CDK6: variants seen among roughly 807,000 people sequenced by gnomAD.
CDK6 encodes cyclin dependent kinase 6, also known as cyclin-dependent kinase 6.
A neutral mutation model predicts 37.1 loss-of-function variants in CDK6; 6 were observed. The observed-to-expected ratio is 0.16, with a 90% confidence interval of 0.09 to 0.32. The LOEUF is 0.32. Among genes scored for constraint, CDK6 ranks in the 10% least tolerant of loss-of-function variants. CDK6 has a pLI of 1.00. For synonymous variants in CDK6, 160 were observed against 161.3 expected, an observed-to-expected ratio of 0.99 and a Z score of 0.06; for missense variants, 224 against 418.9, an observed-to-expected ratio of 0.53 and a Z score of 4.06.
At chr7:92,774,899 A>C in intron 2 of CDK6, 68 bp from the exon 3 acceptor site, 1 of 1,454,882 alleles carries the variant, frequency 6.9e-7, no homozygotes, top group Non-Finnish European at 9.3e-7. Flanking sequence ...TGTTTTATAC[A>C]TATCGCTCAA....
intron 2 of CDK6, among the ~76,000 whole-genome samples, chr7:92,794,845 G>C (rs188509473): frequency 1.3e-5 from 2 of 152,196 alleles, no homozygotes; most frequent in East Asian, 1.9e-4. Context: ...TTAAGTGGGG[G>C]ATCAGGCTGA....
At chr7:92,818,309 A>C (rs1334764422) in intron 2 of CDK6, among the ~76,000 whole-genome samples, 1 of 152,018 alleles carries the variant, frequency 6.6e-6, no homozygotes, top group Non-Finnish European at 1.5e-5. Context: ...ATGCTCAACT[A>C]ATGTTTAGCA....
intron 2 of CDK6, among the ~76,000 whole-genome samples, chr7:92,826,361 CAAAG>C (rs1475803712): frequency 6.6e-6 from 1 of 152,038 alleles, no homozygotes; most frequent in Non-Finnish European, 1.5e-5. Context: ...TACCAGGACT[CAAAG>C]GAAGCAGAAA....
At chr7:92,716,070 T>G in intron 4 of CDK6, among the ~76,000 whole-genome samples, 1 of 152,198 alleles carries the variant, frequency 6.6e-6, no homozygotes, top group East Asian at 1.9e-4. Context: ...CAAGTTATTA[T>G]CAAGGAGTGA....
In CDK6 at chr7:92,608,397, G is replaced by T; in HGVS notation, c.*6743C>A. ...GAGAGAAAAGAAACTGGAAGCTAAA[G>T]AATTGAGAGCTTTTGCCAACTGAAG... is the stretch of plus-strand genomic sequence containing the variant. On this transcript the variant is annotated 3_prime_UTR_variant, in exon 8 of 8. Coordinates refer to ENST00000424848, the MANE Select transcript of CDK6 (RefSeq NM_001145306.2). 4.3e-6 allele frequency: 1 copy of T among 231,428 alleles called. No homozygotes were observed. The highest frequency in any genetic ancestry group is 6.2e-5 in the East Asian group (1 of 16,244). The allele number at this position is 231,428 out of a possible 1,614,324, so 14.3% of individuals were successfully genotyped here.
chr7:92,729,714 T>C (rs1798597180), intron 3 of CDK6, among the ~76,000 whole-genome samples: 1 of 152,196 alleles, frequency 6.6e-6, no homozygotes. Context: ...CAGGCTTTTC[T>C]AATGGGAAAA....
rs2116033279 is a variant in CDK6, at chr7:92,833,223, T to C, written c.101A>G (p.Lys34Arg). 6.2e-7 allele frequency: 1 copy of C among 1,610,836 alleles called. No homozygotes were observed. The highest frequency in any genetic ancestry group is 1.7e-4 in the Middle Eastern group (1 of 6,056). The change falls in exon 2 of 8, where the codon AAG (lysine) becomes AGG (arginine). Residue 34 changes from lysine (K) to arginine (R), a missense_variant. Around this residue, in one of 5 missense-constraint regions of CDK6, gnomAD observed 13 missense variants for 43.8 expected, o/e 0.30. Coordinates refer to ENST00000424848, the MANE Select transcript of CDK6 (RefSeq NM_001145306.2). This position sits in a 1 kb window ranked among gnomAD's most constrained non-coding sequence, Gnocchi z 6.1. ...CAACGCCACGAAACGGCCTCCGTTCTTCAAGTCGCGGGCCTTGAACACCTT... is the reference window on the plus strand; with the variant it reads ...CAACGCCACGAAACGGCCTCCGTTCCTCAAGTCGCGGGCCTTGAACACCTT... ...YGKVFKARDLKNGGRFVALKR... is the reference protein window; with the variant it reads ...YGKVFKARDLRNGGRFVALKR...
At chr7:92,676,332 A>T (rs1441588615) in intron 4 of CDK6, among the ~76,000 whole-genome samples, 2 of 152,060 alleles carry the variant, frequency 1.3e-5, no homozygotes, top group Admixed American at 1.3e-4. Context: ...TTCTACTTTT[A>T]TTGAATTACA....
chr7:92,722,238 T>C (rs1315585783), intron 4 of CDK6, among the ~76,000 whole-genome samples: 1 of 152,178 alleles, frequency 6.6e-6, no homozygotes, highest in Non-Finnish European at 1.5e-5. Flanking sequence ...TAGAGGATGT[T>C]AATTATCTTA....
intron 5 of CDK6, among the ~76,000 whole-genome samples, chr7:92,662,311 G>GT (rs1388883779): frequency 6.6e-6 from 1 of 152,134 alleles, no homozygotes; most frequent in Non-Finnish European, 1.5e-5. Flanking sequence ...TGAATGTTGG[G>GT]TTGGGGGTGT....
intron 4 of CDK6, among the ~76,000 whole-genome samples, chr7:92,702,778 G>A (rs1797881967): frequency 6.6e-6 from 1 of 152,150 alleles, no homozygotes; most frequent in South Asian, 2.1e-4. Context: ...CAGTGCTGGT[G>A]GAAGTGAATT....
At chr7:92,669,083 C>G (rs968328064) in intron 5 of CDK6, among the ~76,000 whole-genome samples, 1 of 152,234 alleles carries the variant, frequency 6.6e-6, no homozygotes, top group African/African-American at 2.4e-5. Flanking sequence ...GAACCCTCCC[C>G]TGAGCCTCCA....
chr7:92,784,659 G>C (rs904692321), intron 2 of CDK6, among the ~76,000 whole-genome samples: 1 of 152,294 alleles, frequency 6.6e-6, no homozygotes, highest in Non-Finnish European at 1.5e-5. Flanking sequence ...AACTCAAGTC[G>C]CAAGCCCTAC....
At chr7:92,705,125 C>G (rs1485971406) in intron 4 of CDK6, among the ~76,000 whole-genome samples, 1 of 152,166 alleles carries the variant, frequency 6.6e-6, no homozygotes, top group African/African-American at 2.4e-5. Context: ...ACTCGACATT[C>G]TTTCTTGCAT....
intron 2 of CDK6, among the ~76,000 whole-genome samples, chr7:92,781,915 C>T (rs1451668855): frequency 2.0e-5 from 3 of 152,224 alleles, no homozygotes; most frequent in Non-Finnish European, 2.9e-5. Context: ...ACTAGCCCTA[C>T]ACTACGGATA....
intron 2 of CDK6, among the ~76,000 whole-genome samples, chr7:92,780,488 C>T (rs1044768720): frequency 3.3e-5 from 5 of 151,814 alleles, no homozygotes; most frequent in African/African-American, 7.3e-5. Flanking sequence ...AGGCTGGGCG[C>T]GGTGGCTCAC....
chr7:92,671,346 TGC>T (rs1463399057), intron 5 of CDK6, 78 bp downstream of exon 5: 2 of 873,266 alleles, frequency 2.3e-6, no homozygotes, highest in Non-Finnish European at 3.4e-6. Context: ...ATGATAGAAA[TGC>T]CATGCTGCCA....
chr7:92,826,771 A>G (rs1024209984), intron 2 of CDK6, among the ~76,000 whole-genome samples: 2 of 152,178 alleles, frequency 1.3e-5, no homozygotes, highest in Non-Finnish European at 2.9e-5. Flanking sequence ...CCCAATGTCA[A>G]TAGTCCAAGA....
At position 92,623,075 on chromosome 7, in the gene CDK6, C is replaced by T. The variant is rs369229292; in HGVS notation, c.659G>A (p.Arg220His). The change falls in exon 6 of 8, where the codon CGT becomes CAT. Residue 220 changes from arginine (R) to histidine (H), a missense_variant. Around this residue, in one of 5 missense-constraint regions of CDK6, gnomAD observed 90 missense variants for 136.2 expected, o/e 0.66. Transcript: ENST00000424848. ...TAGTTGATCAACATCTGAACTTCCA[C>T]GAAAAAGAGGCCTAAAAGAATAAAG... Reference protein sequence around the residue: ...AEMFRRKPLFRGSSDVDQLGK... With the variant: ...AEMFRRKPLFHGSSDVDQLGK... 2.6e-5 allele frequency: 41 copies of T among 1,581,806 alleles called. No homozygotes were observed. The highest frequency in any genetic ancestry group is 1.7e-4 in the Middle Eastern group (1 of 6,006).
Sources: gnomAD v4.1 joint callset for allele counts (sites outside exome capture counted in the v4.1 genomes callset) on GRCh38, gnomAD v4.1.1 for gene constraint, gnomAD v4.1.1 regional missense constraint, Gnocchi (gnomAD v3.1) non-coding constraint, MANE v1.5 for transcripts, NCBI Gene and HGNC (gene_info 2026-07-23, HGNC 2026-07-21) for gene names.